Variants in PCDH15 observed in about 807,000 individuals in gnomAD.
PCDH15 encodes the protein protocadherin-15.
Under a neutral mutation model 178.5 loss-of-function variants are expected in PCDH15, and 129 were observed. The ratio of observed to expected loss-of-function variants is 0.72; its 90% CI spans 0.63 to 0.84. PCDH15 has a LOEUF of 0.84. Among genes scored for constraint, PCDH15 ranks in the 40% least tolerant of loss-of-function variants. The pLI, the probability that PCDH15 is intolerant of heterozygous loss-of-function variation, is 0.00. For synonymous variants in PCDH15, 800 were observed against 732.0 expected (o/e 1.09, Z -1.50); for missense variants, 2,230 against 2,099.9 (o/e 1.06, Z -1.21).
Position 54,716,756 on chromosome 10 carries a change from C to G in PCDH15, c.-28-52466G>C, listed in dbSNP as rs202126435. ...ACTTTCTTCACAGAACTGGAAAAAA[C>G]TACTTTAAAGTTCATATGGAACCAA... On this transcript the variant is annotated intron_variant, in intron 1 of 37. Coordinates refer to ENST00000644397, the MANE Select transcript of PCDH15 (RefSeq NM_001384140.1). Among the ~76,000 whole-genome samples the G allele has an allele frequency of 1.3e-4, 20 of 151,882 alleles. No individual in the cohort carries two copies. The East Asian group carries it at 3.9e-3, about 29-fold the overall frequency.
chr10:55,401,351 A>ATT (rs34244900), intron 2 of PCDH15, among the ~76,000 whole-genome samples: 6 of 151,532 alleles, frequency 4.0e-5, no homozygotes, highest in African/African-American at 9.7e-5. Context: ...TATGAGATTA[A>ATT]TTTTTTTTGT....
Position 54,981,414 on chromosome 10 carries a change from C to G in PCDH15, c.-79-83914G>C, listed in dbSNP as rs960165880. Among the ~76,000 whole-genome samples the G allele has an allele frequency of 6.6e-5, 10 of 152,124 alleles. No individual in the cohort carries two copies. The South Asian group carries it at 2.1e-3, about 32-fold the overall frequency. On this transcript the variant is annotated intron_variant, in intron 2 of 5. Transcript: ENST00000458638. ...ATACAATTTTTTATCTTGTATACTTCTATAAGGAGGTATTATTGGCTATTT... is the reference window on the plus strand; with the variant it reads ...ATACAATTTTTTATCTTGTATACTTGTATAAGGAGGTATTATTGGCTATTT...
chr10:53,852,580 A>G (rs11003882), intron 28 of PCDH15, among the ~76,000 whole-genome samples: 2 of 151,914 alleles, frequency 1.3e-5, no homozygotes, highest in Admixed American at 6.6e-5. Context: ...CAAGCATTCC[A>G]TTTTCCAGGT....
At chr10:54,196,001 T>A (rs2049593159) in intron 10 of PCDH15, 112 bp from the exon 11 acceptor site, 2 of 931,134 alleles carry the variant, frequency 2.1e-6, no homozygotes, top group East Asian at 2.6e-5. Context: ...TATCATCACA[T>A]AAGGAAAAAA....
intron 2 of PCDH15, among the ~76,000 whole-genome samples, chr10:54,907,685 TTAAA>T (rs1314562137): frequency 1.3e-5 from 2 of 152,198 alleles, no homozygotes; most frequent in Non-Finnish European, 2.9e-5. Flanking sequence ...AAATTGTCCC[TTAAA>T]TAGTTTATGT....
intron 31 of PCDH15, among the ~76,000 whole-genome samples, chr10:53,828,010 G>A (rs528269086): frequency 2.0e-5 from 3 of 151,964 alleles, no homozygotes; most frequent in South Asian, 4.1e-4. Context: ...ACATGTACAA[G>A]GGAAATTTGG....
chr10:55,170,569 G>A (rs1416929267), intron 1 of PCDH15, among the ~76,000 whole-genome samples: 4 of 152,110 alleles, frequency 2.6e-5, no homozygotes, highest in East Asian at 3.9e-4. Flanking sequence ...GCAGGTATAT[G>A]TACAGGGCAC....
At chr10:54,440,465 A>C (rs536406773) in intron 3 of PCDH15, among the ~76,000 whole-genome samples, 2 of 152,062 alleles carry the variant, frequency 1.3e-5, no homozygotes, top group Non-Finnish European at 2.9e-5. Flanking sequence ...TTATGATTTC[A>C]TCAATCAACA....
At chr10:53,836,656 G>C (rs1199918661) in intron 29 of PCDH15, among the ~76,000 whole-genome samples, 1 of 152,196 alleles carries the variant, frequency 6.6e-6, no homozygotes, top group Admixed American at 6.5e-5. Flanking sequence ...GTAAATGTCT[G>C]TAATGTCCAT....
intron 3 of PCDH15, among the ~76,000 whole-genome samples, chr10:54,880,542 C>T (rs1954243900): frequency 6.6e-6 from 1 of 150,912 alleles, no homozygotes; most frequent in African/African-American, 2.4e-5. Flanking sequence ...TTGGTTCTAA[C>T]CAAAGTAGTA....
chr10:54,776,253 C>T (rs775213270), intron 1 of PCDH15, among the ~76,000 whole-genome samples: 7 of 152,066 alleles, frequency 4.6e-5, no homozygotes, highest in African/African-American at 9.7e-5. Flanking sequence ...GATTTCTCTT[C>T]GATGTACTGA....
chr10:55,154,003 T>A (rs1838810060), intron 2 of PCDH15, among the ~76,000 whole-genome samples: 1 of 152,286 alleles, frequency 6.6e-6, no homozygotes, highest in Non-Finnish European at 1.5e-5. Context: ...AATCTATATC[T>A]AAATTTGCAT....
At chr10:54,655,910 A>G (rs979999674) in intron 2 of PCDH15, 1 of 152,186 alleles carries the variant, frequency 6.6e-6, no homozygotes, top group Non-Finnish European at 1.5e-5. Context: ...TGGAGTTAAC[A>G]TTGAAAGTAA....
chr10:54,378,795 A>T lies in PCDH15; in HGVS notation c.305T>A (p.Val102Asp). The change falls in exon 4 of 38, where the codon GTT becomes GAT. Residue 102 changes from valine to aspartate, a missense_variant. Physicochemically the swap from Val to Asp is radical, Grantham distance 152. Coordinates refer to ENST00000644397, the MANE Select transcript of PCDH15 (RefSeq NM_001384140.1). ...QMLFLNSTGR[V>D]LDRDPPMNIH... ...AAAATCACTAACATCTCTATCCAGAACTCTTCCGGTGCTGTTCAGGAAAAG... is the reference window on the plus strand; with the variant it reads ...AAAATCACTAACATCTCTATCCAGATCTCTTCCGGTGCTGTTCAGGAAAAG... The T allele has an allele frequency of 1.9e-6, 3 of 1,613,728 alleles. No individual in the cohort carries two copies. The highest frequency in any genetic ancestry group is 2.5e-6 in the Non-Finnish European group (3 of 1,179,828).
At chr10:54,219,243 C>T (rs1272563486) in intron 9 of PCDH15, among the ~76,000 whole-genome samples, 3 of 143,734 alleles carry the variant, frequency 2.1e-5, no homozygotes, top group Non-Finnish European at 3.0e-5. Flanking sequence ...CCACTGCACT[C>T]CAGCCTGGGT....
intron 2 of PCDH15, among the ~76,000 whole-genome samples, chr10:55,079,646 C>A (rs1331240496): frequency 6.6e-6 from 1 of 152,076 alleles, no homozygotes; most frequent in African/African-American, 2.4e-5. Context: ...CTCTTAGGCC[C>A]CTGGACAGCT....
intron 18 of PCDH15, 132 bp downstream of exon 18, chr10:54,066,625 A>G: frequency 1.3e-6 from 1 of 759,046 alleles, no homozygotes; most frequent in Non-Finnish European, 2.1e-6. Context: ...TTCATTTTTT[A>G]AAGTCTTGAA....
chr10:55,430,810 TG>T (rs1343030927), intron 2 of PCDH15, among the ~76,000 whole-genome samples: 2 of 152,204 alleles, frequency 1.3e-5, no homozygotes, highest in East Asian at 3.8e-4. Flanking sequence ...ATAAATCAAA[TG>T]CTTGCTAAAC....
chr10:54,228,797 T>C (rs949646047), intron 9 of PCDH15, among the ~76,000 whole-genome samples: 1 of 152,182 alleles, frequency 6.6e-6, no homozygotes, highest in African/African-American at 2.4e-5. Flanking sequence ...CTTCACTCAG[T>C]CTTCTGATTC....
Sources: gnomAD v4.1 joint callset for allele counts (sites outside exome capture counted in the v4.1 genomes callset) on GRCh38, gnomAD v4.1.1 for gene constraint, MANE v1.5 for transcripts, NCBI Gene and HGNC (gene_info 2026-07-23, HGNC 2026-07-21) for gene names.